The following RASGRP3 variants were observed in gnomAD, a reference collection of about 807,000 sequenced individuals.
The protein encoded by RASGRP3 is RAS guanyl releasing protein 3, also known as ras guanyl-releasing protein 3.
Under a neutral mutation model 82.7 loss-of-function variants are expected in RASGRP3, and 54 were observed. The observed-to-expected ratio is 0.65, with a 90% CI of 0.52 to 0.82. The LOEUF (loss-of-function observed/expected upper bound fraction) is 0.82, where lower values mean the gene tolerates loss of function less well. Ranked by LOEUF, RASGRP3 falls within the 40% of genes least tolerant of loss-of-function variation. The probability of loss-of-function intolerance (pLI) is 0.00; values close to 1 mark genes in which losing one functional copy is unlikely to be tolerated. For synonymous variants in RASGRP3, 309 were observed against 300.5 expected, an observed-to-expected ratio of 1.03 and a Z score of -0.29; for missense variants, 861 against 828.9, an observed-to-expected ratio of 1.04 and a Z score of -0.48.
At chr2:33,555,410 G>A (rs1574497409) in intron 14 of RASGRP3, 121 bp from the exon 15 acceptor site, 1 of 700,530 alleles carries the variant, frequency 1.4e-6, no homozygotes. Context: ...TGTTAAAAGT[G>A]GCTACATCCT....
intron 2 of RASGRP3, among the ~76,000 whole-genome samples, chr2:33,455,259 A>T (rs73926654): frequency 0.012 from 1,884 of 152,366 alleles, 36 homozygotes; most frequent in African/African-American, 0.043. Flanking sequence ...TAAGAAATTC[A>T]TGAAACAAAT....
At chr2:33,525,127 G>T (rs1354371383) in intron 9 of RASGRP3, among the ~76,000 whole-genome samples, 1 of 149,210 alleles carries the variant, frequency 6.7e-6, no homozygotes, top group Admixed American at 6.7e-5. Flanking sequence ...ACATATTGTA[G>T]TGGTAAATAT....
chr2:33,539,352 C>A, intron 12 of RASGRP3, 142 bp downstream of exon 12: 1 of 659,348 alleles, frequency 1.5e-6, no homozygotes, highest in Non-Finnish European at 2.7e-6. Flanking sequence ...GCACTTAGTC[C>A]TACCAGGCAT....
chr2:33,467,126 A>G (rs947694730), intron 2 of RASGRP3, among the ~76,000 whole-genome samples: 7 of 152,112 alleles, frequency 4.6e-5, no homozygotes, highest in African/African-American at 9.7e-5. Flanking sequence ...GATTACTTCT[A>G]TATGCCTTTC....
At chr2:33,553,802 G>T (rs568589951) in intron 14 of RASGRP3, among the ~76,000 whole-genome samples, 8 of 152,046 alleles carry the variant, frequency 5.3e-5, no homozygotes, top group African/African-American at 1.7e-4. Flanking sequence ...GCAGTGGCGC[G>T]ATCTTGGCTC....
At chr2:33,490,754 T>C (rs909998010) in intron 1 of RASGRP3, among the ~76,000 whole-genome samples, 1 of 152,204 alleles carries the variant, frequency 6.6e-6, no homozygotes, top group Non-Finnish European at 1.5e-5. Context: ...TAAATCCCAA[T>C]TGTAAATTGC....
In RASGRP3 at chr2:33,558,305, G is replaced by GTCTCT; in HGVS notation, c.1676_1677insTCTTC (p.Pro561HisfsTer28). ...CGCCCTCCTTGAGCAGTGGTCATGG[G>GTCTCT]TCACTGCCTGGAAGCCCCTCGCTGC... On this transcript the variant is annotated frameshift_variant, in exon 16 of 18. Coordinates refer to ENST00000403687, the MANE Select transcript of RASGRP3 (RefSeq NM_001139488.2). LOFTEE classifies it high-confidence loss of function. 6.2e-7 allele frequency: 1 copy of GTCTCT among 1,613,632 alleles called. No individual in the cohort carries two copies. The highest frequency in any genetic ancestry group is 1.1e-5 in the South Asian group (1 of 91,012).
At chr2:33,492,752 G>A (rs1026713501) in intron 1 of RASGRP3, among the ~76,000 whole-genome samples, 1 of 152,162 alleles carries the variant, frequency 6.6e-6, no homozygotes, top group African/African-American at 2.4e-5. Flanking sequence ...TCCAGTCTGT[G>A]GTGTTTTGTT....
At chr2:33,519,732 GCTT>G (rs1389557512) in intron 4 of RASGRP3, among the ~76,000 whole-genome samples, 18 of 152,168 alleles carry the variant, frequency 1.2e-4, no homozygotes, top group African/African-American at 3.4e-4. Flanking sequence ...CCTGTAAGTG[GCTT>G]CTTCTTCAGA....
rs189526132 is a variant in RASGRP3, at chr2:33,563,010, T to C, written c.*273T>C. ...AGTCAGTACTTTTTTCTCATGTATCTTTCTCTAGACCATTTATATACGGGT... is the reference window on the plus strand; with the variant it reads ...AGTCAGTACTTTTTTCTCATGTATCCTTCTCTAGACCATTTATATACGGGT... On this transcript the variant is annotated 3_prime_UTR_variant, in exon 18 of 18. Transcript: ENST00000403687. 13 of 475,008 alleles carry C rather than the reference T, an allele frequency of 2.7e-5. No homozygotes were observed. The highest frequency in any genetic ancestry group is 1.2e-4 in the Admixed American group (3 of 25,584). 29.4% of individuals were successfully genotyped at this position (475,008 alleles called of 1,614,324 possible). A position where few individuals can be genotyped will look rare whatever the true frequency, so the allele number is the denominator to read the frequency against.
intron 9 of RASGRP3, 120 bp downstream of exon 9, chr2:33,524,668 G>A (rs1165092671): frequency 4.3e-6 from 3 of 701,288 alleles, no homozygotes; most frequent in Non-Finnish European, 7.0e-6. Context: ...ACCAGTGGTA[G>A]GTTATAAATG....
intron 1 of RASGRP3, among the ~76,000 whole-genome samples, chr2:33,438,600 G>A (rs902219446): frequency 3.3e-5 from 5 of 151,734 alleles, no homozygotes; most frequent in African/African-American, 1.2e-4. Flanking sequence ...TGAAATGCCA[G>A]GTATTTAAAA....
chr2:33,489,344 C>T (rs1187621514), intron 1 of RASGRP3, among the ~76,000 whole-genome samples: 1 of 152,146 alleles, frequency 6.6e-6, no homozygotes, highest in African/African-American at 2.4e-5. Flanking sequence ...TGGCCTAATA[C>T]ACTTGCAGAA....
chr2:33,505,095 C>T (rs536537916), intron 1 of RASGRP3, among the ~76,000 whole-genome samples: 1 of 152,028 alleles, frequency 6.6e-6, no homozygotes, highest in East Asian at 1.9e-4. Flanking sequence ...ATGAAGAGCA[C>T]CTAAATGATT....
At chr2:33,512,683 TATACTC>T (rs1364276400) in intron 2 of RASGRP3, among the ~76,000 whole-genome samples, 3 of 152,226 alleles carry the variant, frequency 2.0e-5, no homozygotes, top group African/African-American at 4.8e-5. Context: ...CTCACATAAA[TATACTC>T]ATATTCAATG....
chr2:33,484,448 C>A (rs1198459115), intron 1 of RASGRP3, among the ~76,000 whole-genome samples: 2 of 152,156 alleles, frequency 1.3e-5, no homozygotes, highest in African/African-American at 4.8e-5. Context: ...GCTTTCAGTT[C>A]TGTTTTTTAA....
intron 1 of RASGRP3, among the ~76,000 whole-genome samples, chr2:33,437,930 G>A (rs1665012946): frequency 6.6e-6 from 1 of 152,124 alleles, no homozygotes. Flanking sequence ...ACATTCCAGT[G>A]CTGCAAAGTC....
At chr2:33,446,284 G>A (rs1242393817) in intron 1 of RASGRP3, among the ~76,000 whole-genome samples, 1 of 152,112 alleles carries the variant, frequency 6.6e-6, no homozygotes, top group Non-Finnish European at 1.5e-5. Flanking sequence ...AACCTCCCTA[G>A]TAGCTGGGAC....
Position 33,558,459 on chromosome 2 carries a change from G to A in RASGRP3, c.1705+123G>A, listed in dbSNP as rs920484313. 4.9e-6 allele frequency: 7 copies of A among 1,442,420 alleles called. No homozygotes were observed. In the African/African-American group the frequency reaches 9.9e-5, roughly 20 times the overall value. The allele number at this position is 1,442,420 out of a possible 1,614,324, so 89.4% of individuals were successfully genotyped here. A position where few individuals can be genotyped will look rare whatever the true frequency, so the allele number is the denominator to read the frequency against. On this transcript the variant is annotated intron_variant, in intron 16 of 17. Coordinates refer to ENST00000403687, the MANE Select transcript of RASGRP3 (RefSeq NM_001139488.2). ...CTCTAAACGCTAAGGCCTTCTTTAG[G>A]GTGAGCAGCAGTAGCTAAACCCTTG...
Sources: gnomAD v4.1 joint callset for allele counts (sites outside exome capture counted in the v4.1 genomes callset) on GRCh38, gnomAD v4.1.1 for gene constraint, MANE v1.5 for transcripts, NCBI Gene and HGNC (gene_info 2026-07-23, HGNC 2026-07-21) for gene names.